MAP4K4: variants seen among roughly 807,000 people sequenced by gnomAD.
MAP4K4 encodes mitogen-activated protein kinase kinase kinase kinase 4, also known as HPK/GCK-like kinase HGK.
MAP4K4 carries 38 observed loss-of-function variants against 189.6 expected under a neutral mutation model. That is an observed-to-expected ratio of 0.20 (90% CI 0.15 to 0.26). The LOEUF is 0.26. MAP4K4 is among the 10% of genes least tolerant of loss of function. The pLI is 1.00. For synonymous variants in MAP4K4, 610 were observed against 624.3 expected (o/e 0.98, Z 0.34); for missense variants, 1,054 against 1,726.9 (o/e 0.61, Z 6.91).
At chr2:101,829,749 C>G in intron 6 of MAP4K4, 155 bp downstream of exon 6, 1 of 585,772 alleles carries the variant, frequency 1.7e-6, no homozygotes, top group Admixed American at 2.7e-5. Context: ...TATTACTTAG[C>G]TTGGCTCCAG....
At chr2:101,722,325 T>C (rs1226471260) in intron 2 of MAP4K4, among the ~76,000 whole-genome samples, 2 of 152,228 alleles carry the variant, frequency 1.3e-5, no homozygotes, top group Non-Finnish European at 2.9e-5. Context: ...ATCTGTCTAC[T>C]GGAATTGGCC....
Position 101,861,973 on chromosome 2 carries a change from G to A in MAP4K4, c.1866+987G>A, listed in dbSNP as rs146476749. The A allele has an allele frequency of 7.9e-3, 1,187 of 151,162 alleles. 8 individuals are homozygous for A. Among genetic ancestry groups the A allele is most frequent in the Non-Finnish European group, 0.014 (985 of 68,014 alleles). The allele number at this position is 151,162 out of a possible 1,614,324, so 9.4% of individuals were successfully genotyped here. A position where few individuals can be genotyped will look rare whatever the true frequency, so the allele number is the denominator to read the frequency against. On this transcript the variant is annotated intron_variant, in intron 16 of 32. Transcript: ENST00000324219. ...AAAGGGCTGGGGCACAGTGGCACGT[G>A]CCTGAAATCCCAGCACTTTGGGAGG... is the stretch of plus-strand genomic sequence containing the variant.
chr2:101,878,045 G>A (rs927430681), intron 27 of MAP4K4, among the ~76,000 whole-genome samples: 3 of 152,038 alleles, frequency 2.0e-5, no homozygotes, highest in South Asian at 2.1e-4. Context: ...CACTGCGCCC[G>A]GCCAATTATG....
chr2:101,759,261 T>C (rs890501996), intron 2 of MAP4K4, among the ~76,000 whole-genome samples: 2 of 152,114 alleles, frequency 1.3e-5, no homozygotes, highest in African/African-American at 4.8e-5. Context: ...TCCTTTGCTT[T>C]CCTTGGTCAT....
chr2:101,877,539 G>A (rs1347333453), intron 27 of MAP4K4, among the ~76,000 whole-genome samples: 3 of 148,450 alleles, frequency 2.0e-5, no homozygotes, highest in African/African-American at 5.0e-5. Flanking sequence ...GCAGTGGCGC[G>A]ATCTTGGCTC....
At chr2:101,735,061 A>C (rs961401864) in intron 2 of MAP4K4, among the ~76,000 whole-genome samples, 1 of 152,214 alleles carries the variant, frequency 6.6e-6, no homozygotes, top group South Asian at 2.1e-4. Context: ...TTAGAACTTA[A>C]CATTTATTTG....
chr2:101,867,844 G>T (rs2097860704), intron 20 of MAP4K4, 185 bp from the exon 21 acceptor site: 6 of 613,334 alleles, frequency 9.8e-6, no homozygotes, highest in Non-Finnish European at 1.8e-5. Flanking sequence ...TAATCCCTCT[G>T]ATGTTACCTG....
intron 2 of MAP4K4, among the ~76,000 whole-genome samples, chr2:101,780,145 G>A (rs922068427): frequency 1.3e-5 from 2 of 152,200 alleles, no homozygotes; most frequent in Admixed American, 6.5e-5. Flanking sequence ...GCTTCTTGAA[G>A]TGCTGAGAAA....
At chr2:101,771,530 C>A (rs1164701864) in intron 2 of MAP4K4, among the ~76,000 whole-genome samples, 1 of 152,186 alleles carries the variant, frequency 6.6e-6, no homozygotes, top group Non-Finnish European at 1.5e-5. Flanking sequence ...GCTGCTCAGT[C>A]TTCACTGAGA....
intron 3 of MAP4K4, among the ~76,000 whole-genome samples, chr2:101,800,485 A>G (rs1432747392): frequency 6.6e-6 from 1 of 152,240 alleles, no homozygotes; most frequent in African/African-American, 2.4e-5. Flanking sequence ...GATTACAGAC[A>G]GCCTTTATAT....
At chr2:101,822,487 T>C (rs892543082) in intron 3 of MAP4K4, among the ~76,000 whole-genome samples, 17 of 152,262 alleles carry the variant, frequency 1.1e-4, no homozygotes, top group Non-Finnish European at 2.9e-5. Flanking sequence ...TGTTATACAT[T>C]TGTTTTCTAA....
chr2:101,885,285 A>G, exon 29 of MAP4K4: 2 of 1,576,726 alleles, frequency 1.3e-6, no homozygotes, highest in Non-Finnish European at 1.7e-6. Context: ...TATGGCCTTT[A>G]AGGTAACAAC....
At chr2:101,857,537 G>A (rs1482120316) in intron 13 of MAP4K4, among the ~76,000 whole-genome samples, 1 of 152,144 alleles carries the variant, frequency 6.6e-6, no homozygotes, top group Admixed American at 6.5e-5. Context: ...AAGAAAATGA[G>A]TTGAAAGTCA....
chr2:101,886,234 T>C (rs137870588), intron 29 of MAP4K4, among the ~76,000 whole-genome samples: 2 of 152,236 alleles, frequency 1.3e-5, no homozygotes, highest in African/African-American at 4.8e-5. Context: ...TTTATACATA[T>C]TACCTTATTT....
chr2:101,889,766 G>A (rs1468811584), intron 32 of MAP4K4, among the ~76,000 whole-genome samples: 1 of 150,934 alleles, frequency 6.6e-6, no homozygotes, highest in Non-Finnish European at 1.5e-5. Context: ...CAGACTAGCA[G>A]TCAGCCCAGT....
intron 2 of MAP4K4, among the ~76,000 whole-genome samples, chr2:101,778,769 G>A (rs1237373320): frequency 6.6e-6 from 1 of 152,146 alleles, no homozygotes; most frequent in South Asian, 2.1e-4. Flanking sequence ...TTCACCTACA[G>A]GCTGCTGTTG....
At chr2:101,703,827 A>G (rs2040437106) in intron 2 of MAP4K4, among the ~76,000 whole-genome samples, 2 of 151,972 alleles carry the variant, frequency 1.3e-5, no homozygotes, top group South Asian at 2.1e-4. Context: ...GCCTGTCAAC[A>G]TGGTGAAACC....
chr2:101,734,577 T>C (rs1333903078), intron 2 of MAP4K4, among the ~76,000 whole-genome samples: 1 of 83,702 alleles, frequency 1.2e-5, no homozygotes, highest in East Asian at 3.6e-4. Flanking sequence ...TCGTTACCCA[T>C]TTACCCGCGC....
At chr2:101,778,191 C>T (rs573495397) in intron 2 of MAP4K4, among the ~76,000 whole-genome samples, 3 of 152,176 alleles carry the variant, frequency 2.0e-5, no homozygotes, top group South Asian at 2.1e-4. Flanking sequence ...CTCTGAATCC[C>T]GGGGAAGAAG....
Sources: allele counts gnomAD v4.1 joint callset (sites outside exome capture counted in the v4.1 genomes callset), GRCh38; gene constraint gnomAD v4.1.1; transcripts MANE v1.5; gene names NCBI Gene and HGNC (gene_info 2026-07-23, HGNC 2026-07-21).